The following MAML2 variants were observed in gnomAD, a reference collection of about 807,000 sequenced individuals.
The protein encoded by MAML2 is mastermind-like protein 2.
A neutral mutation model predicts 96.1 loss-of-function variants in MAML2; 22 were observed. That is an observed-to-expected ratio of 0.23 (90% CI 0.16 to 0.33). The LOEUF (loss-of-function observed/expected upper bound fraction) is 0.33, where lower values mean the gene tolerates loss of function less well. MAML2 is among the 10% of genes least tolerant of loss of function. The pLI is 1.00. For synonymous variants in MAML2, 561 were observed against 521.3 expected (o/e 1.08, Z -1.04); for missense variants, 1,367 against 1,392.4 (o/e 0.98, Z 0.29).
At chr11:96,168,953 A>G (rs12281547) in intron 1 of MAML2, among the ~76,000 whole-genome samples, 15,138 of 152,224 alleles carry the variant, frequency 0.099, 846 homozygotes, top group African/African-American at 0.13. Context: ...TGCTATTCAG[A>G]TTTGAACTAC....
intron 1 of MAML2, among the ~76,000 whole-genome samples, chr11:96,122,497 G>GGTGTGTGTGTGTGT (rs67940033): frequency 1.0e-4 from 14 of 135,682 alleles, no homozygotes; most frequent in Non-Finnish European, 1.8e-4. Flanking sequence ...TTTTAGGCTG[G>GGTGTGTGTGTGTGT]GTGTGTGTGT....
At chr11:96,066,884 G>T (rs1238566761) in intron 2 of MAML2, among the ~76,000 whole-genome samples, 1 of 152,230 alleles carries the variant, frequency 6.6e-6, no homozygotes, top group Admixed American at 6.5e-5. Flanking sequence ...AAAGGAAAGA[G>T]CAAAGACTCT....
chr11:96,086,252 A>G (rs939952516), intron 2 of MAML2, among the ~76,000 whole-genome samples: 1 of 152,220 alleles, frequency 6.6e-6, no homozygotes, highest in African/African-American at 2.4e-5. Flanking sequence ...TAGGTGCTCA[A>G]TACATTTTCA....
chr11:96,342,001 G>T lies in MAML2; in HGVS notation c.-106C>A. The T allele has an allele frequency of 2.6e-6, 3 of 1,148,812 alleles. No homozygotes were observed. Among genetic ancestry groups the T allele is most frequent in the Non-Finnish European group, 3.6e-6 (3 of 837,552 alleles). 71.2% of individuals were successfully genotyped at this position (1,148,812 alleles called of 1,614,324 possible). A position where few individuals can be genotyped will look rare whatever the true frequency, so the allele number is the denominator to read the frequency against. On this transcript the variant is annotated 5_prime_UTR_variant, in exon 1 of 5. It adds an upstream start codon to the 5' untranslated region. Transcript: ENST00000524717. ...TTTGACAATGTGAGCTCAGTGTTCAGGGCCACATGAATAGAGGTCTTCAGA... is the reference window on the plus strand; with the variant it reads ...TTTGACAATGTGAGCTCAGTGTTCATGGCCACATGAATAGAGGTCTTCAGA...
chr11:96,077,634 C>G (rs1344585378), intron 2 of MAML2, among the ~76,000 whole-genome samples: 1 of 152,190 alleles, frequency 6.6e-6, no homozygotes, highest in African/African-American at 2.4e-5. Context: ...AAGACTACTA[C>G]TGCTTTTTCA....
intron 2 of MAML2, among the ~76,000 whole-genome samples, chr11:96,024,344 T>C (rs1004592474): frequency 6.6e-6 from 1 of 152,250 alleles, no homozygotes; most frequent in South Asian, 2.1e-4. Context: ...TTTCCCTCTA[T>C]ACAAACTAGA....
At chr11:96,318,904 T>C (rs376190588) in intron 1 of MAML2, among the ~76,000 whole-genome samples, 1 of 152,174 alleles carries the variant, frequency 6.6e-6, no homozygotes, top group African/African-American at 2.4e-5. Context: ...TTCATTAATG[T>C]GTTAAATGGC....
chr11:96,168,571 A>C (rs1311394846), intron 1 of MAML2, among the ~76,000 whole-genome samples: 1 of 152,204 alleles, frequency 6.6e-6, no homozygotes, highest in Non-Finnish European at 1.5e-5. Context: ...CAGAACCTGC[A>C]TTTCTAATGA....
At chr11:96,215,271 T>C (rs970666312) in intron 1 of MAML2, among the ~76,000 whole-genome samples, 1 of 152,224 alleles carries the variant, frequency 6.6e-6, no homozygotes, top group Non-Finnish European at 1.5e-5. Flanking sequence ...CTGGGGCAGG[T>C]TGCTGGGTTC....
At position 96,135,562 on chromosome 11, in the gene MAML2, T is replaced by TTTTA. The variant is rs1860616728; in HGVS notation, c.514-42046_514-42045insTAAA. On this transcript the variant is annotated intron_variant, in intron 1 of 4. Transcript: ENST00000524717. ...ATCCAAGGCTTTTTTTTTTTTTTTTTAAACCGTGGTAATGATTTTATAGTA... is the reference window on the plus strand; with the variant it reads ...ATCCAAGGCTTTTTTTTTTTTTTTTTTTTAAAACCGTGGTAATGATTTTATAGTA... 2.8e-5 allele frequency among the ~76,000 whole-genome samples: 4 copies of TTTTA among 145,068 alleles called. 1 individual carries two copies. The South Asian group carries it at 8.6e-4, about 31-fold the overall frequency.
intron 2 of MAML2, among the ~76,000 whole-genome samples, chr11:96,057,536 T>C (rs117955925): frequency 0.01 from 1,539 of 152,334 alleles, 40 homozygotes; most frequent in East Asian, 0.089. Context: ...AAGCTCCTAA[T>C]AGAGCTGAGT....
intron 2 of MAML2, among the ~76,000 whole-genome samples, chr11:96,061,483 G>A (rs995505647): frequency 6.6e-6 from 1 of 152,158 alleles, no homozygotes; most frequent in African/African-American, 2.4e-5. Context: ...AAATAAATTT[G>A]AGAAGATAAA....
chr11:96,121,779 G>GTTTTTTTTTTTTTTTT (rs1405872923), intron 1 of MAML2, among the ~76,000 whole-genome samples: 5 of 40,804 alleles, frequency 1.2e-4, no homozygotes, highest in African/African-American at 3.2e-4. Context: ...CCAACTGCGT[G>GTTTTTTTTTTTTTTTT]ATTTTTTTTT....
At chr11:96,336,498 G>A (rs958101287) in intron 1 of MAML2, among the ~76,000 whole-genome samples, 2 of 152,188 alleles carry the variant, frequency 1.3e-5, no homozygotes, top group African/African-American at 4.8e-5. Context: ...GCTGGAGTGT[G>A]ACGGAAATTA....
At chr11:96,107,147 GTTA>G (rs1485937982) in intron 1 of MAML2, among the ~76,000 whole-genome samples, 2 of 151,830 alleles carry the variant, frequency 1.3e-5, no homozygotes, top group Non-Finnish European at 2.9e-5. Context: ...GCTTGTAACT[GTTA>G]TTATGTCTTT....
intron 2 of MAML2, among the ~76,000 whole-genome samples, chr11:96,000,672 T>C (rs1858065899): frequency 6.6e-6 from 1 of 152,194 alleles, no homozygotes; most frequent in African/African-American, 2.4e-5. Context: ...CAGTAACAAT[T>C]ACACACAGCA....
chr11:96,002,706 T>G (rs1858103670), intron 2 of MAML2, among the ~76,000 whole-genome samples: 1 of 34,896 alleles, frequency 2.9e-5, no homozygotes, highest in African/African-American at 1.4e-4. Flanking sequence ...ATGATGGGGA[T>G]GATAAGGAGG....
At chr11:96,286,960 C>T (rs1471885288) in intron 1 of MAML2, among the ~76,000 whole-genome samples, 1 of 152,082 alleles carries the variant, frequency 6.6e-6, no homozygotes, top group Non-Finnish European at 1.5e-5. Flanking sequence ...GTTGTATATT[C>T]CAGTGCCAGA....
intron 1 of MAML2, among the ~76,000 whole-genome samples, chr11:96,209,609 A>AAC (rs1861940847): frequency 2.0e-5 from 3 of 151,328 alleles, no homozygotes; most frequent in African/African-American, 7.3e-5. Context: ...AACAAACAAA[A>AAC]AAGCAAAGTA....
Sources: allele counts gnomAD v4.1 joint callset (sites outside exome capture counted in the v4.1 genomes callset), GRCh38; gene constraint gnomAD v4.1.1; transcripts MANE v1.5; gene names NCBI Gene and HGNC (gene_info 2026-07-23, HGNC 2026-07-21).